The following MYO7B variants were observed in gnomAD, a reference collection of about 807,000 sequenced individuals.
MYO7B encodes the protein myosin VIIB, also known as unconventional myosin-VIIb.
A neutral mutation model predicts 259.7 loss-of-function variants in MYO7B; 212 were observed. That is an observed-to-expected ratio of 0.82 (90% CI 0.73 to 0.91). The LOEUF (loss-of-function observed/expected upper bound fraction) is 0.91. Ranked by LOEUF, MYO7B falls within the 40% of genes least tolerant of loss-of-function variation. The pLI is 0.00. For synonymous variants in MYO7B, 1,197 were observed against 1,166.4 expected (o/e 1.03, Z -0.54); for missense variants, 2,732 against 2,813.5 (o/e 0.97, Z 0.66).
chr2:127,587,988 T>C (rs1679366895), intron 14 of MYO7B, among the ~76,000 whole-genome samples: 1 of 152,258 alleles, frequency 6.6e-6, no homozygotes, highest in African/African-American at 2.4e-5. Context: ...TTCTGATGTA[T>C]AGGGTGTTAG....
Position 127,565,352 on chromosome 2 carries a change from C to A in MYO7B, c.252C>A (p.Asn84Lys). The A allele has an allele frequency of 6.2e-7, 1 of 1,614,062 alleles. No individual in the cohort carries two copies. Among genetic ancestry groups the A allele is most frequent in the Non-Finnish European group, 8.5e-7 (1 of 1,179,886 alleles). ...TGAACGAGGCAGGCATGGTGCACAACCTCCTGATCCGCTACCAGCAGCACA... is the reference window on the plus strand; with the variant it reads ...TGAACGAGGCAGGCATGGTGCACAAACTCCTGATCCGCTACCAGCAGCACA... ...GDLNEAGMVH[N>K]LLIRYQQHKI... Residue 84 changes from asparagine (N) to lysine (K), a missense_variant, in exon 4 of 48, where the codon AAC becomes AAA. Around this residue, in one of 3 missense-constraint regions of MYO7B, gnomAD observed 1,906 missense variants for 2,026.4 expected, o/e 0.94. Transcript: ENST00000409816.
chr2:127,570,265 A>G (rs1040792662), intron 6 of MYO7B, among the ~76,000 whole-genome samples: 2 of 152,208 alleles, frequency 1.3e-5, no homozygotes, highest in African/African-American at 4.8e-5. Flanking sequence ...GAGGACTGCA[A>G]GAGGTTTATT....
chr2:127,607,530 T>G lies in MYO7B; in HGVS notation c.2643+106T>G. On this transcript the variant is annotated intron_variant, in intron 21 of 47. Transcript: ENST00000409816. The surrounding 1 kb of genome is among the most constrained non-coding windows in gnomAD (Gnocchi z 4.4). ...TGTAGAGAGCTCACCAGAAGCGCTT[T>G]GGAAAATCCCCCCGCCCCCGCCACA... The G allele has an allele frequency of 1.0e-6, 1 of 953,912 alleles. No individual in the cohort carries two copies. The highest frequency in any genetic ancestry group is 2.7e-5 in the Admixed American group (1 of 36,582). 59.1% of individuals were successfully genotyped at this position (953,912 alleles called of 1,614,324 possible).
At chr2:127,545,384 A>G (rs1281379106) in intron 1 of MYO7B, among the ~76,000 whole-genome samples, 3 of 152,174 alleles carry the variant, frequency 2.0e-5, no homozygotes, top group Non-Finnish European at 4.4e-5. Context: ...TGTGCTGCCC[A>G]GGGGCCCCCT....
In MYO7B at chr2:127,573,938, C is replaced by T. The variant is rs1400845674; in HGVS notation, c.611C>T (p.Thr204Ile). The T allele has an allele frequency of 6.2e-7, 1 of 1,614,076 alleles. No homozygotes were observed. The highest frequency in any genetic ancestry group is 8.5e-7 in the Non-Finnish European group (1 of 1,179,896). ...PILEAFGNAK[T>I]IRNDNSSRFG... is the part of the protein sequence containing the mutation. The stretch of plus-strand genomic sequence containing the variant: ...CCTTCAGCCTTTGGAAATGCCAAGA[C>T]AATCCGCAACGACAACTCAAGCCGC... Residue 204 changes from threonine to isoleucine, a missense_variant, in exon 7 of 48, where the codon ACA (threonine) becomes ATA (isoleucine). Thr to Ile is a moderately conservative substitution (Grantham distance 89). Transcript: ENST00000409816.
chr2:127,547,162 A>ATCCACTCATCCC (rs1693265044), intron 1 of MYO7B, among the ~76,000 whole-genome samples: 1 of 152,048 alleles, frequency 6.6e-6, no homozygotes, highest in African/African-American at 2.4e-5. Flanking sequence ...CGACTCATCC[A>ATCCACTCATCCC]TCCACTCATC....
chr2:127,595,267 T>C (rs991028053), intron 18 of MYO7B, among the ~76,000 whole-genome samples: 5 of 152,240 alleles, frequency 3.3e-5, no homozygotes, highest in Admixed American at 1.3e-4. Context: ...GAGGTTTTTA[T>C]ACTATTCTCT....
chr2:127,591,143 C>T (rs574004678), intron 16 of MYO7B, among the ~76,000 whole-genome samples: 1 of 152,344 alleles, frequency 6.6e-6, no homozygotes, highest in Admixed American at 6.5e-5. Flanking sequence ...GAACTATGAT[C>T]ACACCACTGC....
Position 127,584,050 on chromosome 2 carries a change from T to C in MYO7B, c.1344-72T>C. On this transcript the variant is annotated intron_variant, in intron 12 of 47. Transcript: ENST00000409816. This position sits in a 1 kb window ranked among gnomAD's most constrained non-coding sequence, Gnocchi z 5.8. ...TGTTTGCAGATGGCTGGTGATCCTA[T>C]GGCTCCAGCCTGCTGCAGCGGGGAC... 2.1e-6 allele frequency: 3 copies of C among 1,407,002 alleles called. No individual in the cohort carries two copies. Among genetic ancestry groups the C allele is most frequent in the South Asian group, 1.3e-5 (1 of 79,778 alleles). The allele number at this position is 1,407,002 out of a possible 1,614,324, so 87.2% of individuals were successfully genotyped here. A position where few individuals can be genotyped will look rare whatever the true frequency, so the allele number is the denominator to read the frequency against.
chr2:127,568,860 T>C (rs1325247661), intron 5 of MYO7B, among the ~76,000 whole-genome samples: 4 of 150,350 alleles, frequency 2.7e-5, no homozygotes, highest in Non-Finnish European at 5.9e-5. Context: ...ATCGTGCCAT[T>C]GCACTCCAGC....
chr2:127,636,558 C>T lies in MYO7B; in HGVS notation c.6137C>T (p.Pro2046Leu). Residue 2046 changes from proline (P) to leucine (L), a missense_variant, in exon 46 of 48, where the codon CCT (proline) becomes CTT (leucine). Around this residue, in one of 3 missense-constraint regions of MYO7B, gnomAD observed 821 missense variants for 769.3 expected, o/e 1.07. Coordinates refer to ENST00000409816, the MANE Select transcript of MYO7B (RefSeq NM_001393586.1). This position sits in a 1 kb window ranked among gnomAD's most constrained non-coding sequence, Gnocchi z 4.5. The stretch of plus-strand genomic sequence containing the variant: ...CCTCCCTCCCAGCAAACCTCGGAGC[C>T]TTCCTACCCGGACGTCATCCTCATC... ...AFFEVKQTSE[P>L]SYPDVILIAI... The T allele has an allele frequency of 2.5e-6, 4 of 1,611,738 alleles. No homozygotes were observed. The highest frequency in any genetic ancestry group is 2.5e-6 in the Non-Finnish European group (3 of 1,178,994).
intron 9 of MYO7B, 124 bp downstream of exon 9, chr2:127,578,410 A>G: frequency 2.4e-6 from 3 of 1,252,754 alleles, no homozygotes; most frequent in South Asian, 1.5e-5. Context: ...CTGGAAAAAT[A>G]TATCTAAAAA....
chr2:127,543,937 G>C (rs897288235), intron 1 of MYO7B, among the ~76,000 whole-genome samples: 2 of 151,968 alleles, frequency 1.3e-5, no homozygotes, highest in African/African-American at 4.8e-5. Flanking sequence ...AGTAGAGACA[G>C]GGTTTCACCG....
intron 2 of MYO7B, among the ~76,000 whole-genome samples, chr2:127,561,290 A>G (rs951174654): frequency 6.6e-6 from 1 of 150,538 alleles, no homozygotes; most frequent in African/African-American, 2.5e-5. Context: ...TTTTAGACAG[A>G]GTCTTACTCT....
At chr2:127,551,501 C>T (rs1693441969) in intron 1 of MYO7B, among the ~76,000 whole-genome samples, 3 of 152,240 alleles carry the variant, frequency 2.0e-5, no homozygotes, top group Non-Finnish European at 2.9e-5. Context: ...AGGCTCTACT[C>T]CATTCCTTCT....
chr2:127,617,657 C>T (rs941991722), intron 26 of MYO7B, among the ~76,000 whole-genome samples: 1 of 150,040 alleles, frequency 6.7e-6, no homozygotes, highest in African/African-American at 2.5e-5. Context: ...CGCCCGCCAC[C>T]GCGCCCGGCT....
intron 18 of MYO7B, 26 bp from the exon 19 acceptor site, chr2:127,596,436 C>T: frequency 1.3e-6 from 2 of 1,577,412 alleles, no homozygotes; most frequent in East Asian, 2.3e-5. Flanking sequence ...GTGAGCAGCC[C>T]AGTGACGGCG....
chr2:127,636,150 C>T lies in MYO7B; in HGVS notation c.6007-58C>T, dbSNP rs1184591077. 2 of 1,428,434 alleles carry T rather than the reference C, an allele frequency of 1.4e-6. No homozygotes were observed. The highest frequency in any genetic ancestry group is 2.8e-5 in the African/African-American group (2 of 71,092). 88.5% of individuals were successfully genotyped at this position (1,428,434 alleles called of 1,614,324 possible). ...CTGGGGTAGGCAGGTGCTGCCCCCA[C>T]CAGGGCTTTGGAGGGCCTCTGGGCA... On this transcript the variant is annotated intron_variant, in intron 44 of 47. Transcript: ENST00000409816. The surrounding 1 kb of genome is among the most constrained non-coding windows in gnomAD (Gnocchi z 4.5).
chr2:127,607,342 C>A lies in MYO7B; in HGVS notation c.2561C>A (p.Ala854Asp). Residue 854 changes from alanine to aspartate, a missense_variant, in exon 21 of 48, where the codon GCC becomes GAC. By Grantham distance (126) the Ala-to-Asp change is moderately radical (BLOSUM62 -2). Coordinates refer to ENST00000409816, the MANE Select transcript of MYO7B (RefSeq NM_001393586.1). This position sits in a 1 kb window ranked among gnomAD's most constrained non-coding sequence, Gnocchi z 4.4. ...RGYLVRQQVQ[A>D]KRRAVVVIQA... ...TACCTGGTGCGCCAGCAAGTCCAGG[C>A]CAAGAGGAGGGCAGTGGTGGTCATT... The A allele has an allele frequency of 1.3e-6, 2 of 1,551,488 alleles. No individual in the cohort carries two copies. The highest frequency in any genetic ancestry group is 2.4e-5 in the East Asian group (1 of 40,932).
Sources: allele counts gnomAD v4.1 joint callset (sites outside exome capture counted in the v4.1 genomes callset), GRCh38; gene constraint gnomAD v4.1.1; regional missense constraint gnomAD v4.1.1; non-coding constraint Gnocchi (gnomAD v3.1); transcripts MANE v1.5; gene names NCBI Gene and HGNC (gene_info 2026-07-23, HGNC 2026-07-21).